The following PSG8 variants were observed in gnomAD, a reference collection of about 807,000 sequenced individuals.
PSG8 encodes pregnancy specific beta-1-glycoprotein 8.
Under a neutral mutation model 42.5 loss-of-function variants are expected in PSG8, and 57 were observed. The ratio of observed to expected loss-of-function variants is 1.34; its 90% CI spans 1.08 to 1.67. The LOEUF (loss-of-function observed/expected upper bound fraction) is 1.67. Among genes scored for constraint, PSG8 ranks in the 40% most tolerant of loss-of-function variants. The pLI, the probability that PSG8 is intolerant of heterozygous loss-of-function variation, is 0.00. For missense variants in PSG8, 783 were observed against 518.6 expected (o/e 1.51, Z -4.95); for synonymous variants, 280 against 196.8 (o/e 1.42, Z -3.54).
At chr19:42,765,005 G>A (rs1970179850) in intron 1 of PSG8, among the ~76,000 whole-genome samples, 1 of 152,076 alleles carries the variant, frequency 6.6e-6, no homozygotes, top group African/African-American at 2.4e-5. Flanking sequence ...GGTGGCCCCT[G>A]ATGATTAATC....
At position 42,764,410 on chromosome 19, in the gene PSG8, A is replaced by G. The variant is rs1329033404; in HGVS notation, c.65-129T>C. On this transcript the variant is annotated intron_variant, in intron 1 of 4. Transcript: ENST00000306511. ...GACACAGACACACACACATACAAACACACGCACACACACACACAAAAGCGG... is the reference window on the plus strand; with the variant it reads ...GACACAGACACACACACATACAAACGCACGCACACACACACACAAAAGCGG... 4 of 1,420,842 alleles carry G rather than the reference A, an allele frequency of 2.8e-6. No individual in the cohort carries two copies. In the East Asian group the frequency reaches 6.9e-5, roughly 24 times the overall value. 88.0% of individuals were successfully genotyped at this position (1,420,842 alleles called of 1,614,324 possible).
chr19:42,764,348 G>T (rs1970160958), intron 1 of PSG8, 67 bp from the exon 2 acceptor site: 3 of 1,556,478 alleles, frequency 1.9e-6, no homozygotes, highest in Admixed American at 1.9e-5. Flanking sequence ...ATGGGGCCCT[G>T]GGTCCTGAGA....
intron 1 of PSG8, among the ~76,000 whole-genome samples, 158 bp from the exon 2 acceptor site, chr19:42,764,439 G>T (rs112057634): frequency 0.011 from 1,730 of 152,048 alleles, 23 homozygotes; most frequent in Middle Eastern, 0.028. Context: ...AAAGCGGCAT[G>T]TGTGTCTGTG....
intron 3 of PSG8, chr19:42,755,478 T>C (rs1969901404): frequency 1.9e-6 from 2 of 1,069,322 alleles, no homozygotes; most frequent in East Asian, 2.6e-5. Flanking sequence ...GCACAGACTT[T>C]CTCAAGTGTC....
Position 42,765,629 on chromosome 19 carries a change from C to G in PSG8, c.-48G>C. 2 of 1,598,464 alleles carry G rather than the reference C, an allele frequency of 1.3e-6. No individual in the cohort carries two copies. Among genetic ancestry groups the G allele is most frequent in the Non-Finnish European group, 1.7e-6 (2 of 1,169,662 alleles). On this transcript the variant is annotated 5_prime_UTR_variant, in exon 1 of 5. Coordinates refer to ENST00000306511, the MANE Select transcript of PSG8 (RefSeq NM_182707.3). ...TCCTCTGTGGAGATGAGCCTAGGAT[C>G]CAGAAGCTTCCTGAGCACAGCTCTC...
chr19:42,759,023 C>T (rs888831495), intron 2 of PSG8: 1 of 152,478 alleles, frequency 6.6e-6, no homozygotes, highest in African/African-American at 2.4e-5. Context: ...ATGATGCTCC[C>T]TTCCCCCTGT....
chr19:42,755,445 G>A (rs1335637051), intron 3 of PSG8, 179 bp from the exon 4 acceptor site: 5 of 1,303,452 alleles, frequency 3.8e-6, no homozygotes, highest in Admixed American at 2.5e-5. Flanking sequence ...AGACTATGAG[G>A]CCAGCTGCTC....
chr19:42,755,384 A>G (rs998292120), intron 3 of PSG8, 118 bp from the exon 4 acceptor site: 33 of 1,528,718 alleles, frequency 2.2e-5, no homozygotes, highest in African/African-American at 1.2e-4. Context: ...TTGAAAGCCA[A>G]TAGCTGGTGC....
chr19:42,754,394 G>A lies in PSG8; in HGVS notation c.1182C>T (p.Cys394=), dbSNP rs1407633030. ...TGCCAGTGGCTGAGTTACGAACAGAGCAAGCATAGAGCCCGCTATGCTTTG... is the reference window on the plus strand; with the variant it reads ...TGCCAGTGGCTGAGTTACGAACAGAACAAGCATAGAGCCCGCTATGCTTTG... ...ITTKHSGLYA[C]SVRNSATGKE... The change falls in exon 5 of 5, where the codon TGC becomes TGT. Residue 394 remains cysteine (C), a synonymous_variant. Coordinates refer to ENST00000306511, the MANE Select transcript of PSG8 (RefSeq NM_182707.3). The A allele has an allele frequency of 1.9e-6, 3 of 1,613,728 alleles. No individual in the cohort carries two copies. Among genetic ancestry groups the A allele is most frequent in the South Asian group, 2.2e-5 (2 of 91,070 alleles).
Position 42,764,294 on chromosome 19 carries a change from G to C in PSG8, c.65-13C>G. 1 of 1,608,964 alleles carries C rather than the reference G, an allele frequency of 6.2e-7. No homozygotes were observed. The highest frequency in any genetic ancestry group is 8.5e-7 in the Non-Finnish European group (1 of 1,177,480). The stretch of plus-strand genomic sequence containing the variant: ...TTTAAAAGTGATGCTAGGAGGTGGA[G>C]AGAGCATCAGTCAATATTGAGAGCT... On this transcript the variant is annotated splice_polypyrimidine_tract_variant and intron_variant, in intron 1 of 4. Coordinates refer to ENST00000306511, the MANE Select transcript of PSG8 (RefSeq NM_182707.3).
chr19:42,763,696 C>T (rs1970134114), intron 2 of PSG8: 1 of 873,464 alleles, frequency 1.1e-6, no homozygotes, highest in African/African-American at 1.7e-5. Flanking sequence ...GACTGTCCTT[C>T]CTCTGCAGCG....
chr19:42,761,486 A>G (rs1970071827), intron 2 of PSG8, among the ~76,000 whole-genome samples: 1 of 152,146 alleles, frequency 6.6e-6, no homozygotes, highest in African/African-American at 2.4e-5. Flanking sequence ...GTAGAACGTG[A>G]GATTGGTCTT....
At position 42,764,250 on chromosome 19, in the gene PSG8, C is replaced by A; in HGVS notation, c.96G>T (p.Thr32=). Residue 32 remains threonine (T), a synonymous_variant, in exon 2 of 5, where the codon ACG becomes ACT. Coordinates refer to ENST00000306511, the MANE Select transcript of PSG8 (RefSeq NM_182707.3). The stretch of plus-strand genomic sequence containing the variant: ...GGGCTTCAATCGTGACTTGGGCAGT[C>A]GTGGGTGGGTTCCAGAAGTTTAAAA... ...ASLLNFWNPP[T]TAQVTIEAQP... is the part of the protein sequence containing the mutation. 1.2e-6 allele frequency: 2 copies of A among 1,613,484 alleles called. No homozygotes were observed. Among genetic ancestry groups the A allele is most frequent in the East Asian group, 2.2e-5 (1 of 44,820 alleles).
At chr19:42,753,943 A>G (rs1345759122), downstream of PSG8, 4 of 564,066 alleles carry the variant, frequency 7.1e-6, no homozygotes, top group East Asian at 1.8e-4. Flanking sequence ...TTACAGTTCA[A>G]TAAACTGCGG....
rs762945492 is a variant in PSG8, at chr19:42,754,518, G to T, written c.1058C>A (p.Ser353Tyr). 8.7e-6 allele frequency: 14 copies of T among 1,613,734 alleles called. No homozygotes were observed. In the East Asian group the frequency reaches 2.9e-4, roughly 33 times the overall value. Residue 353 changes from serine to tyrosine, a missense_variant, in exon 5 of 5, where the codon TCC becomes TAC. By Grantham distance (144) the Ser-to-Tyr change is moderately radical. Coordinates refer to ENST00000306511, the MANE Select transcript of PSG8 (RefSeq NM_182707.3). ...CGGTGGGTTAGAGTCCGCAGAACAG[G>T]ACAAGTAGAGGACTTCTCCTGAACG... Reference protein sequence around the residue: ...YYRSGEVLYLSCSADSNPPAQ... With the variant: ...YYRSGEVLYLYCSADSNPPAQ...
intron 2 of PSG8, among the ~76,000 whole-genome samples, chr19:42,759,448 G>A (rs60227132): frequency 0.17 from 25,553 of 152,064 alleles, 3,804 homozygotes; most frequent in African/African-American, 0.4. Context: ...TTATGCAGAA[G>A]GCTTAAAACA....
Position 42,755,283 on chromosome 19 carries a change from G to A in PSG8, c.710-17C>T, listed in dbSNP as rs770174690. 1.9e-6 allele frequency: 3 copies of A among 1,606,378 alleles called. No individual in the cohort carries two copies. Among genetic ancestry groups the A allele is most frequent in the Non-Finnish European group, 2.5e-6 (3 of 1,176,970 alleles). ...GCAGCTTCGCTGTGTGGATAACAGAGAGAAGATTGTCCTGTGTGGCACCTT... is the reference window on the plus strand; with the variant it reads ...GCAGCTTCGCTGTGTGGATAACAGAAAGAAGATTGTCCTGTGTGGCACCTT... On this transcript the variant is annotated splice_polypyrimidine_tract_variant and intron_variant, in intron 3 of 4. Transcript: ENST00000306511.
chr19:42,761,820 ATTTTTTTTTTTTTT>A (rs58868359), intron 2 of PSG8, among the ~76,000 whole-genome samples: 29 of 70,422 alleles, frequency 4.1e-4, no homozygotes, highest in Admixed American at 9.0e-4. Context: ...CATTTCAATA[ATTTTTTTTTTTTTT>A]TTTTTTTTTT....
rs139444715 is a variant in PSG8 at position 42,758,201 on chromosome 19, A to C, written c.510T>G (p.Asp170Glu). The stretch of plus-strand genomic sequence containing the variant: ...GGTAGCTTGCGTCCGGAGTCTCAGG[A>C]TCACAGGTTAAGCTCACAGCCTCCA... The part of the protein sequence containing the change: ...EAMEAVSLTC[D>E]PETPDASYLW... The change falls in exon 3 of 5, where the codon GAT (aspartate) becomes GAG (glutamate). Residue 170 changes from aspartate to glutamate, a missense_variant. Transcript: ENST00000306511. 1.6e-4 allele frequency: 251 copies of C among 1,614,008 alleles called. No homozygotes were observed. In the African/African-American group the frequency reaches 2.9e-3, roughly 19 times the overall value.
Sources: gnomAD v4.1 joint callset for allele counts (sites outside exome capture counted in the v4.1 genomes callset) on GRCh38, gnomAD v4.1.1 for gene constraint, MANE v1.5 for transcripts, NCBI Gene and HGNC (gene_info 2026-07-23, HGNC 2026-07-21) for gene names.